Variants in MARCHF10 observed in about 807,000 individuals in gnomAD.
MARCHF10 encodes membrane associated ring-CH-type finger 10, also known as probable E3 ubiquitin-protein ligase MARCHF10.
A neutral mutation model predicts 76.2 loss-of-function variants in MARCHF10; 64 were observed. The ratio of observed to expected loss-of-function variants is 0.84; its 90% CI spans 0.69 to 1.03. The LOEUF is 1.03. Ranked by LOEUF, MARCHF10 falls within the 50% of genes least tolerant of loss-of-function variation. MARCHF10 has a pLI of 0.00. For synonymous variants in MARCHF10, 340 were observed against 357.5 expected, an observed-to-expected ratio of 0.95 and a Z score of 0.55; for missense variants, 875 against 958.0, an observed-to-expected ratio of 0.91 and a Z score of 1.14.
chr17:62,752,636 CTT>C (rs59495310), intron 4 of MARCHF10, among the ~76,000 whole-genome samples: 131 of 145,980 alleles, frequency 9.0e-4, no homozygotes, highest in African/African-American at 1.0e-3. Context: ...ATTCCCTCTG[CTT>C]TTTTTTTTTT....
Position 62,744,360 on chromosome 17 carries a change from A to G in MARCHF10, c.535+16T>C. On this transcript the variant is annotated intron_variant, in intron 5 of 10. Transcript: ENST00000311269. The stretch of plus-strand genomic sequence containing the variant: ...TCCTCTCCAAGGACAAAGGTTCGGG[A>G]GCCCCGGGTCCTTACCTGCTCCCCT... 1 of 1,605,146 alleles carries G rather than the reference A, an allele frequency of 6.2e-7. No homozygotes were observed. Among genetic ancestry groups the G allele is most frequent in the Non-Finnish European group, 8.5e-7 (1 of 1,177,458 alleles).
intron 8 of MARCHF10, among the ~76,000 whole-genome samples, chr17:62,716,050 C>T (rs893476343): frequency 5.9e-5 from 9 of 152,146 alleles, no homozygotes; most frequent in African/African-American, 1.7e-4. Flanking sequence ...ATAGAAGGCC[C>T]GCTCCTCTCT....
At chr17:62,751,030 G>T (rs1288071467) in intron 4 of MARCHF10, among the ~76,000 whole-genome samples, 1 of 152,218 alleles carries the variant, frequency 6.6e-6, no homozygotes, top group Non-Finnish European at 1.5e-5. Flanking sequence ...GAGAAAGAAA[G>T]GAGAGAGATC....
intron 1 of MARCHF10, among the ~76,000 whole-genome samples, chr17:62,807,751 A>G (rs1247274532): frequency 6.6e-6 from 1 of 152,110 alleles, no homozygotes; most frequent in Non-Finnish European, 1.5e-5. Flanking sequence ...AGACAGAGCG[A>G]GACTCCTTCT....
chr17:62,787,970 T>C (rs1401236007), intron 3 of MARCHF10, among the ~76,000 whole-genome samples: 2 of 152,178 alleles, frequency 1.3e-5, no homozygotes, highest in Non-Finnish European at 2.9e-5. Flanking sequence ...GCAAAAATAT[T>C]TTATCATCAT....
chr17:62,758,603 CT>C (rs1012795693), intron 4 of MARCHF10, among the ~76,000 whole-genome samples: 2 of 152,146 alleles, frequency 1.3e-5, no homozygotes, highest in Non-Finnish European at 1.5e-5. Context: ...AGAGCTGGGG[CT>C]TTGCCTGAGA....
At chr17:62,764,686 G>A (rs1027547333) in intron 3 of MARCHF10, among the ~76,000 whole-genome samples, 2 of 152,172 alleles carry the variant, frequency 1.3e-5, no homozygotes, top group African/African-American at 4.8e-5. Flanking sequence ...ATTGAGGGCA[G>A]CTTGTATAAA....
At chr17:62,774,058 A>C (rs1355387783) in intron 3 of MARCHF10, among the ~76,000 whole-genome samples, 1 of 152,196 alleles carries the variant, frequency 6.6e-6, no homozygotes, top group African/African-American at 2.4e-5. Context: ...GGACAATCAC[A>C]GGGCAAGGAA....
At chr17:62,713,464 C>T in intron 8 of MARCHF10, among the ~76,000 whole-genome samples, 1 of 152,226 alleles carries the variant, frequency 6.6e-6, no homozygotes, top group East Asian at 1.9e-4. Context: ...TGTGTCTCTT[C>T]TCTGATCTGT....
chr17:62,731,244 TA>T (rs1282827965), intron 6 of MARCHF10, among the ~76,000 whole-genome samples: 2 of 152,126 alleles, frequency 1.3e-5, no homozygotes, highest in African/African-American at 4.8e-5. Flanking sequence ...AACATATCTG[TA>T]AAATATTTGA....
intron 6 of MARCHF10, among the ~76,000 whole-genome samples, chr17:62,732,818 C>A (rs1329070710): frequency 6.6e-6 from 1 of 151,686 alleles, no homozygotes; most frequent in Non-Finnish European, 1.5e-5. Flanking sequence ...CCCGGTGAAA[C>A]CCCGTCTCTA....
At chr17:62,789,248 G>A (rs2092801872) in intron 2 of MARCHF10, among the ~76,000 whole-genome samples, 1 of 152,060 alleles carries the variant, frequency 6.6e-6, no homozygotes, top group Non-Finnish European at 1.5e-5. Context: ...TTCTCTTCAT[G>A]GCCCCTCCCT....
At chr17:62,725,338 A>G (rs899163447) in intron 6 of MARCHF10, among the ~76,000 whole-genome samples, 1 of 152,118 alleles carries the variant, frequency 6.6e-6, no homozygotes, top group African/African-American at 2.4e-5. Context: ...ATATTGGCCC[A>G]CTGCAGCCTC....
intron 3 of MARCHF10, among the ~76,000 whole-genome samples, chr17:62,777,004 C>A (rs544386975): frequency 1.8e-4 from 28 of 152,296 alleles, no homozygotes; most frequent in Non-Finnish European, 3.7e-4. Flanking sequence ...AATCTTCTAG[C>A]CCAAATGGCC....
Position 62,736,555 on chromosome 17 carries a change from C to A in MARCHF10, c.1313G>T (p.Gly438Val), listed in dbSNP as rs2091272702. 6.2e-7 allele frequency: 1 copy of A among 1,614,052 alleles called. No individual in the cohort carries two copies. Among genetic ancestry groups the A allele is most frequent in the African/African-American group, 1.3e-5 (1 of 74,912 alleles). Residue 438 changes from glycine (G) to valine (V), a missense_variant, in exon 6 of 11, where the codon GGA becomes GTA. Transcript: ENST00000311269. The part of the protein sequence containing the change: ...EHRPGTHDSE[G>V]YWKDYLNSSQ... The stretch of plus-strand genomic sequence containing the variant: ...ACTGTTTAAATAGTCTTTCCAGTAT[C>A]CTTCAGAATCATGGGTGCCAGGCCT...
intron 3 of MARCHF10, among the ~76,000 whole-genome samples, chr17:62,766,538 C>T (rs930096895): frequency 3.9e-5 from 6 of 152,124 alleles, no homozygotes; most frequent in Middle Eastern, 3.4e-3. Context: ...CGTTAAAATG[C>T]GGTGTTTAAT....
At chr17:62,754,593 A>G (rs1462378840) in intron 4 of MARCHF10, among the ~76,000 whole-genome samples, 1 of 152,090 alleles carries the variant, frequency 6.6e-6, no homozygotes, top group Non-Finnish European at 1.5e-5. Context: ...ACTGATGAGG[A>G]AACTGAGTTC....
intron 3 of MARCHF10, among the ~76,000 whole-genome samples, chr17:62,772,926 T>C (rs1250548199): frequency 3.9e-5 from 6 of 152,202 alleles, no homozygotes; most frequent in Admixed American, 3.9e-4. Flanking sequence ...AAGAAGCATG[T>C]ATATTACTCA....
At chr17:62,729,117 T>A (rs34767620) in intron 6 of MARCHF10, among the ~76,000 whole-genome samples, 9,450 of 152,084 alleles carry the variant, frequency 0.062, 334 homozygotes, top group African/African-American at 0.1. Flanking sequence ...TTATTTATTT[T>A]TTTTTTGTAG....
Sources: allele counts gnomAD v4.1 joint callset (sites outside exome capture counted in the v4.1 genomes callset), GRCh38; gene constraint gnomAD v4.1.1; transcripts MANE v1.5; gene names NCBI Gene and HGNC (gene_info 2026-07-23, HGNC 2026-07-21).